PDS5A: variants seen among roughly 807,000 people sequenced by gnomAD.
PDS5A encodes PDS5 cohesin associated factor A, also known as sister chromatid cohesion protein PDS5 homolog A.
Under a neutral mutation model 167.1 loss-of-function variants are expected in PDS5A, and 42 were observed. The ratio of observed to expected loss-of-function variants is 0.25; its 90% confidence interval spans 0.20 to 0.33. The LOEUF is 0.33. Among genes scored for constraint, PDS5A ranks in the 10% least tolerant of loss-of-function variants. The probability of loss-of-function intolerance (pLI) is 1.00; values close to 1 mark genes in which losing one functional copy is unlikely to be tolerated. For synonymous variants in PDS5A, 553 were observed against 554.6 expected (o/e 1.00, Z 0.04); for missense variants, 1,033 against 1,605.9 (o/e 0.64, Z 6.10).
intron 2 of PDS5A, among the ~76,000 whole-genome samples, chr4:39,967,208 A>C (rs1730056940): frequency 6.7e-6 from 1 of 149,756 alleles, no homozygotes; most frequent in African/African-American, 2.5e-5. Flanking sequence ...AGGAGGCTGA[A>C]GCAGGAGAAT....
chr4:39,976,437 T>C lies in PDS5A; in HGVS notation c.138+3A>G. 6.2e-7 allele frequency: 1 copy of C among 1,610,746 alleles called. No individual in the cohort carries two copies. Among genetic ancestry groups the C allele is most frequent in the Non-Finnish European group, 8.5e-7 (1 of 1,177,334 alleles). On this transcript the variant is annotated splice_donor_region_variant and intron_variant, in intron 2 of 32. Coordinates refer to ENST00000303538, the MANE Select transcript of PDS5A (RefSeq NM_001100399.2). ...AGACATCAAAATCCGTCCAGACACT[T>C]ACCTTCAGGCGTTTGATCATCTCGT...
chr4:39,844,451 G>C (rs1717384525), intron 30 of PDS5A, among the ~76,000 whole-genome samples: 1 of 148,554 alleles, frequency 6.7e-6, no homozygotes, highest in Non-Finnish European at 1.5e-5. Context: ...CTCTAGCCTG[G>C]GCGGGGACAA....
At chr4:39,891,673 CAT>C (rs142176937) in intron 16 of PDS5A, among the ~76,000 whole-genome samples, 51,667 of 150,360 alleles carry the variant, frequency 0.34, 9,775 homozygotes, top group East Asian at 0.66. Flanking sequence ...CATATTCGTA[CAT>C]ATATATATAT....
chr4:39,832,054 G>T (rs1284886823), intron 32 of PDS5A, among the ~76,000 whole-genome samples: 2 of 148,466 alleles, frequency 1.3e-5, no homozygotes, highest in Non-Finnish European at 3.0e-5. Context: ...GGAGGCAGAG[G>T]GTGCAGTGAG....
chr4:39,873,695 G>A (rs1201976630), intron 20 of PDS5A, among the ~76,000 whole-genome samples: 6 of 152,112 alleles, frequency 3.9e-5, no homozygotes, highest in East Asian at 1.9e-4. Flanking sequence ...AATACTTTCC[G>A]AGGATAAATG....
At chr4:39,921,946 T>A (rs1725017267) in intron 6 of PDS5A, among the ~76,000 whole-genome samples, 1 of 152,214 alleles carries the variant, frequency 6.6e-6, no homozygotes, top group South Asian at 2.1e-4. Flanking sequence ...TATCTTTCTG[T>A]GAATGAGTAT....
intron 2 of PDS5A, among the ~76,000 whole-genome samples, chr4:39,960,370 A>G (rs868540369): frequency 2.6e-5 from 4 of 152,204 alleles, no homozygotes; most frequent in Admixed American, 6.5e-5. Context: ...TGATATGTGT[A>G]TAAGTTCCAA....
chr4:39,936,760 G>A (rs1043753377), intron 2 of PDS5A: 3 of 152,126 alleles, frequency 2.0e-5, no homozygotes, highest in African/African-American at 7.2e-5. Flanking sequence ...TACTGTCACA[G>A]TTTTATTATA....
intron 21 of PDS5A, among the ~76,000 whole-genome samples, chr4:39,871,582 C>A (rs1332361523): frequency 6.6e-6 from 1 of 152,190 alleles, no homozygotes; most frequent in African/African-American, 2.4e-5. Flanking sequence ...TTTGGATAAG[C>A]TGGATTTGTG....
chr4:39,908,586 T>C (rs1039857924), intron 10 of PDS5A, 46 bp from the exon 11 acceptor site: 22 of 1,203,228 alleles, frequency 1.8e-5, no homozygotes, highest in Middle Eastern at 3.8e-4. Flanking sequence ...AGCTATGTAA[T>C]TTGTCATGAT....
Position 39,930,246 on chromosome 4 carries a change from A to AAAAAAAAAAAAAAAATTTTTTTT in PDS5A, c.139-2083_139-2082insAAAAAAAATTTTTTTTTTTTTTT. On this transcript the variant is annotated intron_variant, in intron 2 of 32. Transcript: ENST00000303538. The stretch of plus-strand genomic sequence containing the variant: ...AAAAAAAAAAAAAAAAAAAAAAAAA[A>AAAAAAAAAAAAAAAATTTTTTTT]GTTTTTTTGTTTTTTGTTTTTTTTT... 2.0e-4 allele frequency among the ~76,000 whole-genome samples: 19 copies of AAAAAAAAAAAAAAAATTTTTTTT among 93,084 alleles called. 2 individuals carry two copies. The highest frequency in any genetic ancestry group is 3.4e-4 in the Non-Finnish European group (15 of 44,470). 61.1% of individuals were successfully genotyped at this position (93,084 alleles called of 152,430 possible).
intron 2 of PDS5A, among the ~76,000 whole-genome samples, chr4:39,943,802 T>C (rs1199897085): frequency 1.4e-5 from 2 of 146,572 alleles, no homozygotes; most frequent in African/African-American, 5.1e-5. Flanking sequence ...GCGAACCGTA[T>C]CAAAAACAAA....
intron 2 of PDS5A, among the ~76,000 whole-genome samples, chr4:39,940,315 G>T (rs1451121178): frequency 1.3e-5 from 2 of 152,098 alleles, no homozygotes; most frequent in African/African-American, 4.8e-5. Context: ...CATTAACATG[G>T]TAATGGAGGA....
chr4:39,955,778 T>A (rs1728868030), intron 2 of PDS5A, among the ~76,000 whole-genome samples: 1 of 151,870 alleles, frequency 6.6e-6, no homozygotes, highest in Non-Finnish European at 1.5e-5. Flanking sequence ...GCAATTTGGC[T>A]GTGAACCTAA....
intron 21 of PDS5A, among the ~76,000 whole-genome samples, chr4:39,871,626 T>C (rs914606409): frequency 6.6e-6 from 1 of 152,234 alleles, no homozygotes; most frequent in Non-Finnish European, 1.5e-5. Context: ...TCATCCACAA[T>C]GATCCAGCAT....
intron 17 of PDS5A, among the ~76,000 whole-genome samples, chr4:39,886,427 AT>A (rs1262536276): frequency 6.6e-6 from 1 of 152,094 alleles, no homozygotes; most frequent in Non-Finnish European, 1.5e-5. Flanking sequence ...AACAATATTG[AT>A]TTTGGCCGGG....
chr4:39,861,973 A>G (rs1333961544), intron 26 of PDS5A, among the ~76,000 whole-genome samples: 2 of 152,182 alleles, frequency 1.3e-5, no homozygotes, highest in African/African-American at 4.8e-5. Context: ...TAAGATAACC[A>G]AACTAACCTA....
intron 31 of PDS5A, among the ~76,000 whole-genome samples, chr4:39,838,933 A>G (rs1328807464): frequency 6.6e-6 from 1 of 151,618 alleles, no homozygotes; most frequent in Non-Finnish European, 1.5e-5. Context: ...GCAGGAGAAT[A>G]GCCGAAATTG....
intron 17 of PDS5A, among the ~76,000 whole-genome samples, chr4:39,880,797 G>A (rs1720863342): frequency 1.3e-5 from 2 of 152,048 alleles, no homozygotes; most frequent in Non-Finnish European, 2.9e-5. Flanking sequence ...ATTTCTTTGT[G>A]TTGGGAACAT....
Sources: allele counts gnomAD v4.1 joint callset (sites outside exome capture counted in the v4.1 genomes callset), GRCh38; gene constraint gnomAD v4.1.1; transcripts MANE v1.5; gene names NCBI Gene and HGNC (gene_info 2026-07-23, HGNC 2026-07-21).